NADK2: variants seen among roughly 807,000 people sequenced by gnomAD.
NADK2 encodes the protein NAD kinase 2, mitochondrial.
A neutral mutation model predicts 62.1 loss-of-function variants in NADK2; 35 were observed. The ratio of observed to expected loss-of-function variants is 0.56; its 90% confidence interval spans 0.43 to 0.75. The LOEUF is 0.75. NADK2 is among the 30% of genes least tolerant of loss of function. NADK2 has a pLI of 0.00. For synonymous variants in NADK2, 205 were observed against 207.9 expected (o/e 0.99, Z 0.12); for missense variants, 439 against 561.3 (o/e 0.78, Z 2.20).
At position 36,211,977 on chromosome 5, in the gene NADK2, T is replaced by C. The variant is rs1746865386; in HGVS notation, c.782-55A>G. The C allele has an allele frequency of 2.9e-6, 4 of 1,369,930 alleles. No individual in the cohort carries two copies. The South Asian group carries it at 5.0e-5, about 17-fold the overall frequency. 84.9% of individuals were successfully genotyped at this position (1,369,930 alleles called of 1,614,324 possible). A position where few individuals can be genotyped will look rare whatever the true frequency, so the allele number is the denominator to read the frequency against. On this transcript the variant is annotated intron_variant, in intron 6 of 11. Coordinates refer to ENST00000381937, the MANE Select transcript of NADK2 (RefSeq NM_001085411.3). ...AAGATAGCTCCTTGATTTCTAGAAA[T>C]GTTATAAAAATTTTATAAAACACTA...
At chr5:36,219,460 A>G (rs372156807) in intron 5 of NADK2, 136 bp downstream of exon 5, 15 of 655,258 alleles carry the variant, frequency 2.3e-5, no homozygotes, top group African/African-American at 2.0e-4. Context: ...ATCCACCCGC[A>G]TCGGCCTCCC....
intron 1 of NADK2, among the ~76,000 whole-genome samples, chr5:36,239,211 C>T (rs919336679): frequency 6.6e-6 from 1 of 152,192 alleles, no homozygotes; most frequent in Admixed American, 6.5e-5. Flanking sequence ...TCTACCCCAG[C>T]AATATAACAA....
At chr5:36,211,140 G>A (rs907501803) in intron 7 of NADK2, among the ~76,000 whole-genome samples, 2 of 152,078 alleles carry the variant, frequency 1.3e-5, no homozygotes, top group African/African-American at 4.8e-5. Flanking sequence ...GTGTATCAGG[G>A]GAACCAGCCC....
At chr5:36,219,463 G>A (rs1747171202) in intron 5 of NADK2, 133 bp downstream of exon 5, 4 of 670,188 alleles carry the variant, frequency 6.0e-6, no homozygotes, top group East Asian at 5.9e-5. Flanking sequence ...CACCCGCATC[G>A]GCCTCCCAAA....
chr5:36,214,186 T>C (rs984899880), intron 6 of NADK2, among the ~76,000 whole-genome samples: 2 of 152,120 alleles, frequency 1.3e-5, no homozygotes, highest in African/African-American at 4.8e-5. Flanking sequence ...CCATACCAAT[T>C]ACTTTTTTTT....
At chr5:36,200,383 TTATA>T (rs138446684) in intron 9 of NADK2, 103 bp from the exon 10 acceptor site, 19 of 497,204 alleles carry the variant, frequency 3.8e-5, no homozygotes, top group African/African-American at 2.9e-4. Flanking sequence ...TGTATATGTG[TTATA>T]TATATATATG....
intron 11 of NADK2, among the ~76,000 whole-genome samples, chr5:36,195,748 A>G (rs1746207832): frequency 6.6e-6 from 1 of 151,894 alleles, no homozygotes; most frequent in East Asian, 1.9e-4. Flanking sequence ...TCAGGAATCA[A>G]CTCTTACCCA....
At chr5:36,220,478 T>C (rs1747223445) in intron 4 of NADK2, among the ~76,000 whole-genome samples, 1 of 152,116 alleles carries the variant, frequency 6.6e-6, no homozygotes, top group South Asian at 2.1e-4. Flanking sequence ...CAAAACAAAC[T>C]CCTGATAATA....
Position 36,236,880 on chromosome 5 carries a change from A to AC in NADK2, c.300+4618_300+4619insG, listed in dbSNP as rs201941437. The stretch of plus-strand genomic sequence containing the variant: ...TGAGCTTAACCTCAAAAAAAAAAAA[A>AC]AAAAAAACAGGAATTGGATAGAGGA... On this transcript the variant is annotated intron_variant, in intron 1 of 11. Coordinates refer to ENST00000381937, the MANE Select transcript of NADK2 (RefSeq NM_001085411.3). Among the ~76,000 whole-genome samples the AC allele has an allele frequency of 0.012, 1,769 of 151,524 alleles. 146 individuals carry two copies. The East Asian group carries it at 0.21, about 18-fold the overall frequency.
chr5:36,231,472 T>C (rs962146890), intron 1 of NADK2, among the ~76,000 whole-genome samples: 1 of 152,228 alleles, frequency 6.6e-6, no homozygotes, highest in East Asian at 1.9e-4. Context: ...TGTAAGTTCT[T>C]ATTTTCTTTA....
At chr5:36,225,764 T>C in intron 3 of NADK2, 141 bp from the exon 4 acceptor site, 1 of 620,454 alleles carries the variant, frequency 1.6e-6, no homozygotes, top group Non-Finnish European at 2.8e-6. Context: ...CCTTTCTACC[T>C]ATTATACCTT....
At position 36,241,860 on chromosome 5, in the gene NADK2, G is replaced by C; in HGVS notation, c.-62C>G. ...CCCCTTGCCTCAGCTCCCTACCGCC[G>C]GGAGTGCGCGCCGTCCGCGCCGCCC... On this transcript the variant is annotated 5_prime_UTR_variant, in exon 1 of 12. Transcript: ENST00000381937. The surrounding 1 kb of genome is among the most constrained non-coding windows in gnomAD (Gnocchi z 4.9). 1 of 1,163,900 alleles carries C rather than the reference G, an allele frequency of 8.6e-7. No homozygotes were observed. The highest frequency in any genetic ancestry group is 1.1e-6 in the Non-Finnish European group (1 of 941,108). The allele number at this position is 1,163,900 out of a possible 1,614,324, so 72.1% of individuals were successfully genotyped here.
chr5:36,232,787 C>A (rs1747753283), intron 1 of NADK2, among the ~76,000 whole-genome samples: 1 of 152,082 alleles, frequency 6.6e-6, no homozygotes, highest in Non-Finnish European at 1.5e-5. Context: ...GAGTTATCGC[C>A]CCACTCCAGG....
chr5:36,201,783 T>G (rs1746458171), intron 8 of NADK2, among the ~76,000 whole-genome samples: 1 of 151,984 alleles, frequency 6.6e-6, no homozygotes, highest in South Asian at 2.1e-4. Flanking sequence ...AGGCAAGTAT[T>G]CTTTAAATTA....
chr5:36,227,105 G>C (rs1019918917), intron 2 of NADK2, among the ~76,000 whole-genome samples: 1 of 151,946 alleles, frequency 6.6e-6, no homozygotes, highest in Admixed American at 6.5e-5. Context: ...TGTAATTTTT[G>C]GACAGAAGTT....
Position 36,198,660 on chromosome 5 carries a change from A to G in NADK2, c.1067-996T>C, listed in dbSNP as rs1298102137. Among the ~76,000 whole-genome samples, 4 of 148,658 alleles carry G rather than the reference A, an allele frequency of 2.7e-5. No homozygotes were observed. In the South Asian group the frequency reaches 6.3e-4, roughly 23 times the overall value. ...TATATATATACCTGATATAAATTTCAGTTATTTTATATATATTATTTTTTA... is the reference window on the plus strand; with the variant it reads ...TATATATATACCTGATATAAATTTCGGTTATTTTATATATATTATTTTTTA... On this transcript the variant is annotated intron_variant, in intron 10 of 11. Transcript: ENST00000381937.
intron 7 of NADK2, among the ~76,000 whole-genome samples, chr5:36,207,553 T>C (rs1194343409): frequency 6.6e-6 from 1 of 152,076 alleles, no homozygotes; most frequent in Non-Finnish European, 1.5e-5. Flanking sequence ...TTAGCTAGCA[T>C]TGTGCTTTTG....
intron 7 of NADK2, among the ~76,000 whole-genome samples, chr5:36,211,448 G>C (rs1334279761): frequency 6.6e-6 from 1 of 151,878 alleles, no homozygotes; most frequent in African/African-American, 2.4e-5. Context: ...CCAGCTACTC[G>C]GGAGGCTGAG....
At chr5:36,202,092 G>A (rs373851820) in intron 8 of NADK2, among the ~76,000 whole-genome samples, 4 of 152,014 alleles carry the variant, frequency 2.6e-5, no homozygotes, top group Admixed American at 6.6e-5. Flanking sequence ...CGTTTTGGGG[G>A]AGTGAGAGTA....
Sources: gnomAD v4.1 joint callset for allele counts (sites outside exome capture counted in the v4.1 genomes callset) on GRCh38, gnomAD v4.1.1 for gene constraint, Gnocchi (gnomAD v3.1) non-coding constraint, MANE v1.5 for transcripts, NCBI Gene and HGNC (gene_info 2026-07-23, HGNC 2026-07-21) for gene names.